The following NPAS3 variants were observed in gnomAD, a reference collection of about 807,000 sequenced individuals.
NPAS3 encodes neuronal PAS domain protein 3.
NPAS3 carries 14 observed loss-of-function variants against 73.1 expected under a neutral mutation model. That is an observed-to-expected ratio of 0.19 (90% CI 0.13 to 0.30). The LOEUF is 0.30. NPAS3 is among the 10% of genes least tolerant of loss of function. NPAS3 has a pLI of 1.00. For synonymous variants in NPAS3, 620 were observed against 541.5 expected, an observed-to-expected ratio of 1.14 and a Z score of -2.01; for missense variants, 1,096 against 1,250.0, an observed-to-expected ratio of 0.88 and a Z score of 1.86.
At chr14:32,942,850 A>G (rs2036082340) in intron 1 of NPAS3, among the ~76,000 whole-genome samples, 1 of 152,246 alleles carries the variant, frequency 6.6e-6, no homozygotes, top group Non-Finnish European at 1.5e-5. Flanking sequence ...GATGGCCTTC[A>G]TATCACAAGG....
chr14:33,782,429 G>T (rs748496748), intron 9 of NPAS3, among the ~76,000 whole-genome samples: 4 of 152,162 alleles, frequency 2.6e-5, no homozygotes, highest in Non-Finnish European at 5.9e-5. Flanking sequence ...AAACAGAGAT[G>T]CATGCTTTGC....
At chr14:33,524,164 GCT>G (rs2053686277) in intron 4 of NPAS3, among the ~76,000 whole-genome samples, 1 of 152,142 alleles carries the variant, frequency 6.6e-6, no homozygotes, top group Non-Finnish European at 1.5e-5. Context: ...TGACAACACT[GCT>G]GAAAGTACTG....
At chr14:33,680,919 A>ATCATTATAGTAGTATGATTT in intron 6 of NPAS3, 2 of 462,226 alleles carry the variant, frequency 4.3e-6, no homozygotes, top group South Asian at 7.2e-5. Context: ...CATTAGGATC[A>ATCATTATAGTAGTATGATTT]TCATTATAGT....
chr14:33,595,886 G>C (rs140370231), intron 5 of NPAS3, among the ~76,000 whole-genome samples: 2,152 of 152,228 alleles, frequency 0.014, 47 homozygotes, highest in African/African-American at 0.05. Context: ...TAGCCAGGAT[G>C]GTCTCGATCT....
chr14:33,188,730 A>G (rs1003390197), intron 2 of NPAS3, among the ~76,000 whole-genome samples: 1 of 152,150 alleles, frequency 6.6e-6, no homozygotes, highest in Admixed American at 6.6e-5. Context: ...ATACCGTAAA[A>G]CTTTTTTACA....
At chr14:33,623,475 T>C (rs2058136600) in intron 5 of NPAS3, among the ~76,000 whole-genome samples, 1 of 152,198 alleles carries the variant, frequency 6.6e-6, no homozygotes, top group Non-Finnish European at 1.5e-5. Flanking sequence ...TCTCAGCCCT[T>C]CACGGCTACC....
chr14:33,424,271 T>C (rs1243669644), intron 4 of NPAS3, among the ~76,000 whole-genome samples: 1 of 151,980 alleles, frequency 6.6e-6, no homozygotes, highest in Non-Finnish European at 1.5e-5. Flanking sequence ...CCCAGTGGCT[T>C]AGACTTAAAA....
intron 3 of NPAS3, among the ~76,000 whole-genome samples, chr14:33,232,251 C>T (rs916916011): frequency 6.6e-6 from 1 of 152,168 alleles, no homozygotes; most frequent in South Asian, 2.1e-4. Flanking sequence ...AGTTGCTGGG[C>T]CAGCGTGGAC....
chr14:33,793,811 T>G, intron 9 of NPAS3, 86 bp from the exon 10 acceptor site: 3 of 1,360,622 alleles, frequency 2.2e-6, no homozygotes, highest in Non-Finnish European at 3.0e-6. Context: ...ATTTTTAGGC[T>G]TAAGGTTTTG....
At chr14:32,992,720 A>C (rs555545100) in intron 1 of NPAS3, among the ~76,000 whole-genome samples, 1 of 152,340 alleles carries the variant, frequency 6.6e-6, no homozygotes, top group East Asian at 1.9e-4. Context: ...ATTATAGGAA[A>C]CATACATAAA....
intron 1 of NPAS3, among the ~76,000 whole-genome samples, chr14:32,939,640 AG>A (rs1388454968): frequency 5.6e-5 from 8 of 143,736 alleles, no homozygotes; most frequent in Non-Finnish European, 9.2e-5. Flanking sequence ...AAAAAAAAAA[AG>A]AAGAAAGAAA....
At chr14:33,453,393 G>A (rs1353796738) in intron 4 of NPAS3, among the ~76,000 whole-genome samples, 1 of 152,210 alleles carries the variant, frequency 6.6e-6, no homozygotes, top group Non-Finnish European at 1.5e-5. Context: ...GTTTCTGCAT[G>A]TGTCACTCAC....
intron 5 of NPAS3, among the ~76,000 whole-genome samples, chr14:33,623,155 G>T (rs2058125710): frequency 6.6e-6 from 1 of 152,158 alleles, no homozygotes; most frequent in African/African-American, 2.4e-5. Flanking sequence ...GGAAGAGTCT[G>T]ATCCATCCAA....
At chr14:33,312,806 A>G (rs1391634057) in intron 3 of NPAS3, among the ~76,000 whole-genome samples, 1 of 151,336 alleles carries the variant, frequency 6.6e-6, no homozygotes, top group African/African-American at 2.4e-5. Flanking sequence ...AGCCTTAGAG[A>G]GAGATACGTA....
At chr14:33,062,148 G>GAGA (rs2041126656) in intron 2 of NPAS3, among the ~76,000 whole-genome samples, 1 of 152,068 alleles carries the variant, frequency 6.6e-6, no homozygotes, top group South Asian at 2.1e-4. Flanking sequence ...CTGCATCTTC[G>GAGA]AGAAGAATTA....
chr14:33,039,529 C>T (rs2040280916), intron 1 of NPAS3, among the ~76,000 whole-genome samples: 1 of 152,144 alleles, frequency 6.6e-6, no homozygotes, highest in Non-Finnish European at 1.5e-5. Context: ...CTCGCTTTGC[C>T]TCTATTCCTG....
intron 2 of NPAS3, among the ~76,000 whole-genome samples, chr14:33,144,978 A>G (rs2044185662): frequency 6.6e-6 from 1 of 152,192 alleles, no homozygotes; most frequent in Non-Finnish European, 1.5e-5. Context: ...TACTTGAATT[A>G]CAACTTGGTT....
At chr14:33,596,947 T>G (rs1453042396) in intron 5 of NPAS3, among the ~76,000 whole-genome samples, 1 of 152,184 alleles carries the variant, frequency 6.6e-6, no homozygotes, top group Non-Finnish European at 1.5e-5. Flanking sequence ...TAGATTTTAT[T>G]TATCCAGGGA....
At chr14:33,790,582 C>T (rs1268072557) in intron 9 of NPAS3, among the ~76,000 whole-genome samples, 1 of 151,586 alleles carries the variant, frequency 6.6e-6, no homozygotes, top group Non-Finnish European at 1.5e-5. Context: ...AAAGAAGCTT[C>T]ATCCCAAAGT....
Sources: allele counts gnomAD v4.1 joint callset (sites outside exome capture counted in the v4.1 genomes callset), GRCh38; gene constraint gnomAD v4.1.1; transcripts MANE v1.5; gene names NCBI Gene and HGNC (gene_info 2026-07-23, HGNC 2026-07-21).